The following AOPEP variants were observed in gnomAD, a reference collection of about 807,000 sequenced individuals.
AOPEP encodes aminopeptidase O.
AOPEP carries 77 observed loss-of-function variants against 98.1 expected under a neutral mutation model. The observed-to-expected ratio is 0.78, with a 90% CI of 0.65 to 0.95. The LOEUF (loss-of-function observed/expected upper bound fraction) is 0.95. AOPEP is among the 40% of genes least tolerant of loss of function. The pLI is 0.00. For missense variants in AOPEP, 1,024 were observed against 1,024.7 expected (o/e 1.00, Z 0.01); for synonymous variants, 346 against 365.3 (o/e 0.95, Z 0.60).
chr9:95,123,948 C>T, the AOPEP span: 31 of 372,062 alleles, frequency 8.3e-5, no homozygotes, highest in Admixed American at 1.1e-3. Flanking sequence ...TTAAAAAATA[C>T]AAAAAGTAGC....
chr9:94,913,849 A>G (rs753635497), intron 5 of AOPEP, among the ~76,000 whole-genome samples: 1 of 152,240 alleles, frequency 6.6e-6, no homozygotes, highest in African/African-American at 2.4e-5. Flanking sequence ...CTCTGCCTTC[A>G]TTATAAGCCA....
At chr9:95,148,779 C>CAA in the AOPEP span, among the ~76,000 whole-genome samples, 1 of 152,196 alleles carries the variant, frequency 6.6e-6, no homozygotes, top group East Asian at 1.9e-4. Flanking sequence ...TCTAATGTAA[C>CAA]AGAGTATGGA....
At chr9:94,919,832 A>C (rs1173813696) in intron 5 of AOPEP, among the ~76,000 whole-genome samples, 1 of 152,182 alleles carries the variant, frequency 6.6e-6, no homozygotes, top group Non-Finnish European at 1.5e-5. Flanking sequence ...GCTGGACTTT[A>C]GAGGGCAATG....
intron 7 of AOPEP, among the ~76,000 whole-genome samples, chr9:94,949,299 A>T (rs2057924359): frequency 6.6e-6 from 1 of 152,156 alleles, no homozygotes; most frequent in African/African-American, 2.4e-5. Flanking sequence ...CACCCTGATT[A>T]TTAAAATGTG....
At chr9:95,052,453 CA>C (rs2066462600) in intron 13 of AOPEP, among the ~76,000 whole-genome samples, 1 of 152,162 alleles carries the variant, frequency 6.6e-6, no homozygotes, top group East Asian at 1.9e-4. Context: ...GTTTTTTCCC[CA>C]TTTGCTAATC....
intron 5 of AOPEP, among the ~76,000 whole-genome samples, chr9:94,918,233 G>A (rs1326273062): frequency 6.6e-6 from 1 of 152,198 alleles, no homozygotes; most frequent in East Asian, 1.9e-4. Context: ...AGGGTTATGA[G>A]GAAGTAGGCA....
At chr9:94,925,481 CT>C (rs1748229960) in intron 6 of AOPEP, among the ~76,000 whole-genome samples, 3 of 152,260 alleles carry the variant, frequency 2.0e-5, no homozygotes, top group Admixed American at 2.0e-4. Flanking sequence ...CTAGCCCAGG[CT>C]GATTACCCGG....
intron 1 of AOPEP, among the ~76,000 whole-genome samples, chr9:94,753,787 A>C (rs984846721): frequency 1.3e-5 from 2 of 152,228 alleles, no homozygotes; most frequent in African/African-American, 4.8e-5. Context: ...GAAAAAGCAA[A>C]CCAAAAGAAA....
chr9:94,923,055 G>T (rs968871271), intron 5 of AOPEP, among the ~76,000 whole-genome samples: 1 of 152,158 alleles, frequency 6.6e-6, no homozygotes, highest in African/African-American at 2.4e-5. Context: ...AACTGTTTTT[G>T]TTCAACTGAT....
At chr9:95,049,082 G>C (rs372820037) in intron 13 of AOPEP, 3 of 152,182 alleles carry the variant, frequency 2.0e-5, no homozygotes, top group Non-Finnish European at 4.4e-5. Flanking sequence ...TTCTCTGTCA[G>C]AGTTAGCTCT....
At chr9:94,740,023 A>G (rs1211450381) in intron 1 of AOPEP, among the ~76,000 whole-genome samples, 2 of 152,170 alleles carry the variant, frequency 1.3e-5, no homozygotes, top group African/African-American at 4.8e-5. Context: ...AGAGTTTATT[A>G]TTATAGTTCC....
intron 13 of AOPEP, among the ~76,000 whole-genome samples, chr9:95,005,844 C>T (rs2061971388): frequency 6.6e-6 from 1 of 152,128 alleles, no homozygotes; most frequent in Non-Finnish European, 1.5e-5. Context: ...GTTTCATGCT[C>T]ATTAAATACA....
chr9:94,735,431 A>G (rs1831527089), intron 1 of AOPEP, among the ~76,000 whole-genome samples: 1 of 152,112 alleles, frequency 6.6e-6, no homozygotes, highest in South Asian at 2.1e-4. Flanking sequence ...CGTGTTAGCC[A>G]GGATGGTCTC....
intron 13 of AOPEP, among the ~76,000 whole-genome samples, chr9:95,024,698 T>C (rs2063708954): frequency 6.6e-6 from 1 of 152,226 alleles, no homozygotes; most frequent in African/African-American, 2.4e-5. Flanking sequence ...TATTGCTTTC[T>C]TCTCAAAATA....
In AOPEP at chr9:94,773,154, C is replaced by T. The variant is rs375653723; in HGVS notation, c.950C>T (p.Thr317Met). ...AGTGGGGAAAATTCTGCCAAACCAACGCAGCTTTGGGAAGGTACTGTACAT... is the reference window on the plus strand; with the variant it reads ...AGTGGGGAAAATTCTGCCAAACCAATGCAGCTTTGGGAAGGTACTGTACAT... ...LMSGENSAKP[T>M]QLWEECSSWY... Residue 317 changes from threonine (T) to methionine (M), a missense_variant, in exon 3 of 17, where the codon ACG (threonine) becomes ATG (methionine). Around this residue, in one of 3 missense-constraint regions of AOPEP, gnomAD observed 440 missense variants for 433.8 expected, o/e 1.01. Transcript: ENST00000375315. 3.6e-5 allele frequency: 58 copies of T among 1,613,736 alleles called. No homozygotes were observed. Among genetic ancestry groups the T allele is most frequent in the East Asian group, 1.1e-4 (5 of 44,888 alleles).
chr9:94,858,368 C>T (rs1334466207), intron 5 of AOPEP, among the ~76,000 whole-genome samples: 3 of 69,366 alleles, frequency 4.3e-5, no homozygotes, highest in Non-Finnish European at 3.9e-5. Context: ...CAAATTAACA[C>T]GAACTTGGTG....
intron 2 of AOPEP, among the ~76,000 whole-genome samples, chr9:94,771,835 A>T (rs565104947): frequency 7.2e-5 from 11 of 151,878 alleles, no homozygotes; most frequent in Non-Finnish European, 1.2e-4. Flanking sequence ...GTCACAGCTG[A>T]TTACTGCTGT....
chr9:95,139,662 C>T, the AOPEP span, among the ~76,000 whole-genome samples: 2 of 151,614 alleles, frequency 1.3e-5, no homozygotes, highest in Non-Finnish European at 2.9e-5. Flanking sequence ...TGGTGTAATG[C>T]TGCTTTTGTT....
chr9:95,081,413 C>T (rs181759123), intron 15 of AOPEP, among the ~76,000 whole-genome samples: 1 of 152,330 alleles, frequency 6.6e-6, no homozygotes, highest in East Asian at 1.9e-4. Flanking sequence ...CCACTCTCCA[C>T]CCCCTCTGCC....
Sources: allele counts gnomAD v4.1 joint callset (sites outside exome capture counted in the v4.1 genomes callset), GRCh38; gene constraint gnomAD v4.1.1; regional missense constraint gnomAD v4.1.1; transcripts MANE v1.5; gene names NCBI Gene and HGNC (gene_info 2026-07-23, HGNC 2026-07-21).